The following ASAP1 variants were observed in gnomAD, a reference collection of about 807,000 sequenced individuals.
ASAP1 encodes the protein ArfGAP with SH3 domain, ankyrin repeat and PH domain 1.
ASAP1 carries 43 observed loss-of-function variants against 145.2 expected under a neutral mutation model. The observed-to-expected ratio is 0.30, with a 90% CI of 0.23 to 0.38. The LOEUF (loss-of-function observed/expected upper bound fraction) is 0.38, where lower values mean the gene tolerates loss of function less well. ASAP1 is among the 10% of genes least tolerant of loss of function. The pLI is 1.00. For missense variants in ASAP1, 1,018 were observed against 1,355.3 expected (o/e 0.75, Z 3.91); for synonymous variants, 546 against 515.5 (o/e 1.06, Z -0.80).
chr8:130,076,829 C>T (rs909055028), intron 26 of ASAP1, among the ~76,000 whole-genome samples: 1 of 152,158 alleles, frequency 6.6e-6, no homozygotes, highest in Admixed American at 6.6e-5. Context: ...CTCAAAATGT[C>T]TTTAACAAAA....
intron 7 of ASAP1, 64 bp from the exon 8 acceptor site, chr8:130,180,944 C>T: frequency 1.4e-6 from 2 of 1,444,204 alleles, no homozygotes; most frequent in Non-Finnish European, 9.4e-7. Context: ...ATACCAACAG[C>T]AGATCCTAAT....
rs1377726322 is a variant in ASAP1, at chr8:130,358,262, G to A, written c.60-119C>T. The A allele has an allele frequency of 1.8e-5, 13 of 734,528 alleles. No homozygotes were observed. Among genetic ancestry groups the A allele is most frequent in the Non-Finnish European group, 2.3e-5 (13 of 577,200 alleles). 45.5% of individuals were successfully genotyped at this position (734,528 alleles called of 1,614,324 possible). On this transcript the variant is annotated intron_variant, in intron 2 of 29. Coordinates refer to ENST00000518721, the MANE Select transcript of ASAP1 (RefSeq NM_018482.4). This position sits in a 1 kb window ranked among gnomAD's most constrained non-coding sequence, Gnocchi z 4.1. Reference sequence around the variant, plus strand: ...GCGCGCAGCCCGCCACCCGCCGCCCGGCCTGGCGCGCGGCTCCCGTCCCCG... The same window carrying A: ...GCGCGCAGCCCGCCACCCGCCGCCCAGCCTGGCGCGCGGCTCCCGTCCCCG...
Position 130,236,980 on chromosome 8 carries a change from A to C in ASAP1, c.201T>G (p.Asp67Glu). The change falls in exon 4 of 30, where the codon GAT (aspartate) becomes GAG (glutamate). Residue 67 changes from aspartate to glutamate, a missense_variant. Transcript: ENST00000518721. Reference sequence around the variant, plus strand: ...TCTTCACTTTCTGAAGGGCTGTTCTATCTTGGTCTAGAGCCTAAAAGAGAA... The same window carrying C: ...TCTTCACTTTCTGAAGGGCTGTTCTCTCTTGGTCTAGAGCCTAAAAGAGAA... ...VTLLEEALDQ[D>E]RTALQKVKKS... The C allele has an allele frequency of 1.2e-6, 2 of 1,603,328 alleles. No individual in the cohort carries two copies. Among genetic ancestry groups the C allele is most frequent in the Non-Finnish European group, 1.7e-6 (2 of 1,174,720 alleles).
At chr8:130,318,171 G>A (rs1243404067) in intron 3 of ASAP1, among the ~76,000 whole-genome samples, 3 of 152,106 alleles carry the variant, frequency 2.0e-5, no homozygotes, top group East Asian at 1.9e-4. Flanking sequence ...AGCCTTGACC[G>A]CCCAGGCTCA....
In ASAP1 at chr8:130,426,599, T is replaced by G. The variant is rs1829928080; in HGVS notation, c.-28+16861A>C. Among the ~76,000 whole-genome samples the G allele has an allele frequency of 2.0e-5, 3 of 152,326 alleles. No homozygotes were observed. The South Asian group carries it at 6.2e-4, about 32-fold the overall frequency. Reference sequence around the variant, plus strand: ...GTCACTTACTCCACTCCAGCCACACTGGCTTCCTTGAGGTACCTTTAATGT... The same window carrying G: ...GTCACTTACTCCACTCCAGCCACACGGGCTTCCTTGAGGTACCTTTAATGT... On this transcript the variant is annotated intron_variant, in intron 1 of 29. Coordinates refer to ENST00000518721, the MANE Select transcript of ASAP1 (RefSeq NM_018482.4).
At chr8:130,083,226 C>CTTCT (rs1056902951) in intron 25 of ASAP1, 15 of 152,222 alleles carry the variant, frequency 9.9e-5, no homozygotes, top group African/African-American at 3.6e-4. Flanking sequence ...TACTCTTTGG[C>CTTCT]TTCTCAAAAT....
At chr8:130,437,537 G>T (rs959171740) in intron 1 of ASAP1, among the ~76,000 whole-genome samples, 3 of 152,148 alleles carry the variant, frequency 2.0e-5, no homozygotes, top group Non-Finnish European at 2.9e-5. Context: ...ATCCCCCAAG[G>T]TCTCAGGAGA....
intron 27 of ASAP1, 51 bp from the exon 28 acceptor site, chr8:130,061,120 C>T (rs1179991840): frequency 2.6e-6 from 4 of 1,515,890 alleles, no homozygotes; most frequent in Non-Finnish European, 2.6e-6. Flanking sequence ...GGGCTGCTTT[C>T]CTGTCAGTCA....
intron 26 of ASAP1, among the ~76,000 whole-genome samples, chr8:130,077,831 AC>A (rs1233099725): frequency 6.6e-6 from 1 of 152,122 alleles, no homozygotes; most frequent in Non-Finnish European, 1.5e-5. Context: ...TCTCTGGGCA[AC>A]GGGGGAATAT....
chr8:130,224,033 G>T (rs1201261323), intron 4 of ASAP1, among the ~76,000 whole-genome samples: 1 of 152,164 alleles, frequency 6.6e-6, no homozygotes, highest in South Asian at 2.1e-4. Context: ...CAAGCATCCT[G>T]TTTTTCACTC....
intron 5 of ASAP1, among the ~76,000 whole-genome samples, chr8:130,195,540 T>A (rs1367684221): frequency 6.6e-6 from 1 of 152,020 alleles, no homozygotes; most frequent in Non-Finnish European, 1.5e-5. Context: ...AAAAAAAAAA[T>A]TCCAGAATGA....
chr8:130,348,490 C>T (rs969971674), intron 3 of ASAP1, among the ~76,000 whole-genome samples: 6 of 152,136 alleles, frequency 3.9e-5, no homozygotes, highest in African/African-American at 1.4e-4. Context: ...ACACAACTGA[C>T]CACAAACAGC....
chr8:130,437,928 C>T (rs1374252172), intron 1 of ASAP1, among the ~76,000 whole-genome samples: 2 of 152,320 alleles, frequency 1.3e-5, no homozygotes, highest in African/African-American at 4.8e-5. Context: ...GTTTTCCTAA[C>T]TCTGTGCACC....
intron 3 of ASAP1, among the ~76,000 whole-genome samples, chr8:130,329,851 T>C (rs1328476706): frequency 1.3e-5 from 2 of 152,136 alleles, no homozygotes; most frequent in Non-Finnish European, 2.9e-5. Context: ...CATGGCTCAG[T>C]GAGAAGCCAT....
intron 5 of ASAP1, among the ~76,000 whole-genome samples, chr8:130,195,830 A>C (rs934150659): frequency 6.6e-6 from 1 of 152,246 alleles, no homozygotes; most frequent in Non-Finnish European, 1.5e-5. Context: ...TATCCTAGTC[A>C]CTGGAGATGA....
intron 15 of ASAP1, among the ~76,000 whole-genome samples, chr8:130,133,168 A>G (rs2097585744): frequency 6.6e-6 from 1 of 152,142 alleles, no homozygotes; most frequent in African/African-American, 2.4e-5. Flanking sequence ...AAAAGTGAAC[A>G]ATAATTGCCC....
intron 4 of ASAP1, 36 bp from the exon 5 acceptor site, chr8:130,214,737 T>G: frequency 6.6e-7 from 1 of 1,521,372 alleles, no homozygotes; most frequent in Non-Finnish European, 8.9e-7. Flanking sequence ...GAGTCTGAAC[T>G]ATTATTTGCC....
At chr8:130,347,281 GGCA>G (rs2138000287) in intron 3 of ASAP1, among the ~76,000 whole-genome samples, 1 of 152,298 alleles carries the variant, frequency 6.6e-6, no homozygotes, top group Admixed American at 6.5e-5. Context: ...GCTAAAACTA[GGCA>G]GCACAGTGCT....
At chr8:130,129,935 G>C (rs535923554) in intron 15 of ASAP1, among the ~76,000 whole-genome samples, 123 of 152,252 alleles carry the variant, frequency 8.1e-4, no homozygotes, top group African/African-American at 2.8e-3. Flanking sequence ...TTAGAAACTA[G>C]AAATTGTTTT....
Sources: gnomAD v4.1 joint callset for allele counts (sites outside exome capture counted in the v4.1 genomes callset) on GRCh38, gnomAD v4.1.1 for gene constraint, Gnocchi (gnomAD v3.1) non-coding constraint, MANE v1.5 for transcripts, NCBI Gene and HGNC (gene_info 2026-07-23, HGNC 2026-07-21) for gene names.